ZNF407: variants seen among roughly 807,000 people sequenced by gnomAD.
ZNF407 encodes the protein zinc finger protein 407.
Under a neutral mutation model 131.2 loss-of-function variants are expected in ZNF407, and 17 were observed. The ratio of observed to expected loss-of-function variants is 0.13; its 90% CI spans 0.09 to 0.19. The LOEUF is 0.19. Ranked by LOEUF, ZNF407 falls within the 10% of genes least tolerant of loss-of-function variation. ZNF407 has a pLI of 1.00. For synonymous variants in ZNF407, 1,156 were observed against 1,062.0 expected, an observed-to-expected ratio of 1.09 and a Z score of -1.72; for missense variants, 2,681 against 2,830.6, an observed-to-expected ratio of 0.95 and a Z score of 1.20.
At chr18:75,049,692 T>C (rs1973477580) in intron 8 of ZNF407, among the ~76,000 whole-genome samples, 2 of 152,248 alleles carry the variant, frequency 1.3e-5, no homozygotes, top group Non-Finnish European at 1.5e-5. Flanking sequence ...CCATGCAGAA[T>C]GAACCTGTTC....
chr18:74,887,542 A>C (rs1472928277), intron 6 of ZNF407, among the ~76,000 whole-genome samples: 5 of 152,164 alleles, frequency 3.3e-5, no homozygotes. Context: ...GTAACTATGC[A>C]AAACCATGAA....
chr18:74,928,568 AAAAT>A (rs1971942606), intron 8 of ZNF407, among the ~76,000 whole-genome samples: 1 of 152,232 alleles, frequency 6.6e-6, no homozygotes, highest in Non-Finnish European at 1.5e-5. Context: ...AGTATGTCAA[AAAAT>A]ATATTTTGGA....
chr18:74,889,231 G>A (rs1424875680), intron 6 of ZNF407, among the ~76,000 whole-genome samples: 3 of 152,014 alleles, frequency 2.0e-5, no homozygotes, highest in African/African-American at 4.8e-5. Flanking sequence ...GCCTAGTCAC[G>A]CATTTCTTAG....
At chr18:74,815,251 A>G (rs534396547) in intron 4 of ZNF407, among the ~76,000 whole-genome samples, 46 of 152,192 alleles carry the variant, frequency 3.0e-4, no homozygotes, top group African/African-American at 9.4e-4. Flanking sequence ...GGTTCTCACT[A>G]TGTTGCCCAG....
At chr18:74,805,532 T>C (rs186272820) in intron 4 of ZNF407, among the ~76,000 whole-genome samples, 217 of 152,360 alleles carry the variant, frequency 1.4e-3, no homozygotes, top group Non-Finnish European at 2.1e-3. Context: ...ATTTTTTGAT[T>C]CCATAATTAT....
chr18:74,980,448 C>T (rs1363998731), intron 8 of ZNF407, among the ~76,000 whole-genome samples: 4 of 151,996 alleles, frequency 2.6e-5, no homozygotes, highest in Non-Finnish European at 5.9e-5. Flanking sequence ...GGGATACAGG[C>T]ACCCACTACC....
At chr18:74,650,935 G>GTCTATCTATCTATCTA (rs56006965) in intron 3 of ZNF407, among the ~76,000 whole-genome samples, 1 of 151,786 alleles carries the variant, frequency 6.6e-6, no homozygotes, top group African/African-American at 2.4e-5. Flanking sequence ...GTGTGTGTGT[G>GTCTATCTATCTATCTA]TCTATCTATC....
intron 8 of ZNF407, among the ~76,000 whole-genome samples, chr18:74,978,581 A>G (rs1432473759): frequency 1.3e-5 from 2 of 151,910 alleles, no homozygotes; most frequent in Non-Finnish European, 2.9e-5. Flanking sequence ...TGACTTCCAG[A>G]TGTATGGCTT....
intron 8 of ZNF407, among the ~76,000 whole-genome samples, chr18:74,993,447 A>G (rs1280846013): frequency 1.3e-5 from 2 of 152,210 alleles, no homozygotes; most frequent in African/African-American, 4.8e-5. Context: ...GTTCTCATCC[A>G]TAGGGTTGTA....
At chr18:74,785,686 T>A (rs529376643) in intron 4 of ZNF407, among the ~76,000 whole-genome samples, 1 of 152,330 alleles carries the variant, frequency 6.6e-6, no homozygotes, top group African/African-American at 2.4e-5. Flanking sequence ...CACCTTTTTT[T>A]TATGAAACAT....
intron 7 of ZNF407, among the ~76,000 whole-genome samples, chr18:74,912,395 G>T (rs1172772026): frequency 1.3e-5 from 2 of 152,078 alleles, no homozygotes; most frequent in Admixed American, 1.3e-4. Context: ...GAATGATGAG[G>T]TCTACCAGGC....
chr18:75,031,702 C>T (rs959726361), intron 8 of ZNF407, among the ~76,000 whole-genome samples: 3 of 152,146 alleles, frequency 2.0e-5, no homozygotes, highest in Non-Finnish European at 4.4e-5. Context: ...CTAGATTAGC[C>T]AGTGATTTTC....
chr18:74,914,206 C>G (rs1042627826), intron 7 of ZNF407, among the ~76,000 whole-genome samples: 8 of 152,120 alleles, frequency 5.3e-5, no homozygotes, highest in Non-Finnish European at 1.5e-5. Flanking sequence ...TCCTGCTCGT[C>G]GTGAGGAACG....
intron 4 of ZNF407, among the ~76,000 whole-genome samples, chr18:74,833,329 G>A (rs111785432): frequency 2.0e-5 from 3 of 152,276 alleles, no homozygotes; most frequent in African/African-American, 7.2e-5. Context: ...CTAATACTAG[G>A]GAAATAGCAC....
At chr18:74,792,461 A>G (rs1025337748) in intron 4 of ZNF407, among the ~76,000 whole-genome samples, 1 of 149,374 alleles carries the variant, frequency 6.7e-6, no homozygotes, top group African/African-American at 2.5e-5. Context: ...TATGCCATAT[A>G]TTTTTGGCAA....
rs1967559088 is a variant in ZNF407, at chr18:74,703,859, G to T, written c.4802+62737G>T. Among the ~76,000 whole-genome samples, 1 of 152,096 alleles carries T rather than the reference G, an allele frequency of 6.6e-6. No individual in the cohort carries two copies. The highest frequency in any genetic ancestry group is 6.5e-5 in the Admixed American group (1 of 15,272). ...ATCATTTAATATTCTTAGGTAAGTTGAGATATGAGGTGGTAAATGTCAATT... is the reference window on the plus strand; with the variant it reads ...ATCATTTAATATTCTTAGGTAAGTTTAGATATGAGGTGGTAAATGTCAATT... On this transcript the variant is annotated intron_variant, in intron 3 of 8. Coordinates refer to ENST00000299687, the MANE Select transcript of ZNF407 (RefSeq NM_017757.3). This position sits in a 1 kb window ranked among gnomAD's most constrained non-coding sequence, Gnocchi z 4.1.
chr18:74,986,877 AAG>A (rs1491108977), intron 8 of ZNF407, among the ~76,000 whole-genome samples: 3 of 152,208 alleles, frequency 2.0e-5, no homozygotes, highest in South Asian at 2.1e-4. Flanking sequence ...TTCTAAGAAA[AAG>A]GGGGAGATTT....
chr18:75,000,820 T>C (rs1972836637), intron 8 of ZNF407, among the ~76,000 whole-genome samples: 1 of 152,190 alleles, frequency 6.6e-6, no homozygotes, highest in Non-Finnish European at 1.5e-5. Flanking sequence ...TAGGATGAAG[T>C]AATTGTGCTT....
chr18:74,973,881 C>T, intron 8 of ZNF407, among the ~76,000 whole-genome samples: 1 of 152,150 alleles, frequency 6.6e-6, no homozygotes, highest in East Asian at 1.9e-4. Context: ...TAAAATGACA[C>T]TAGACATGTT....
Sources: gnomAD v4.1 joint callset for allele counts (sites outside exome capture counted in the v4.1 genomes callset) on GRCh38, gnomAD v4.1.1 for gene constraint, Gnocchi (gnomAD v3.1) non-coding constraint, MANE v1.5 for transcripts, NCBI Gene and HGNC (gene_info 2026-07-23, HGNC 2026-07-21) for gene names.